Variants in ABLIM1 observed in about 807,000 individuals in gnomAD.
ABLIM1 encodes actin-binding LIM protein 1.
A neutral mutation model predicts 107.0 loss-of-function variants in ABLIM1; 40 were observed. The observed-to-expected ratio is 0.37, with a 90% CI of 0.29 to 0.49. The LOEUF is 0.49. Ranked by LOEUF, ABLIM1 falls within the 20% of genes least tolerant of loss-of-function variation. The pLI is 0.97. For synonymous variants in ABLIM1, 357 were observed against 357.3 expected, an observed-to-expected ratio of 1.00 and a Z score of 0.01; for missense variants, 857 against 1,008.5, an observed-to-expected ratio of 0.85 and a Z score of 2.04.
At chr10:114,455,812 C>CTTTTTT (rs11285756) in intron 12 of ABLIM1, among the ~76,000 whole-genome samples, 1 of 139,562 alleles carries the variant, frequency 7.2e-6, no homozygotes, top group Non-Finnish European at 1.6e-5. Context: ...GAAACTGCAA[C>CTTTTTT]TTTTTTTTTT....
At chr10:114,571,486 C>G in intron 3 of ABLIM1, 80 bp from the exon 4 acceptor site, 1 of 1,358,246 alleles carries the variant, frequency 7.4e-7, no homozygotes, top group Admixed American at 1.9e-5. Flanking sequence ...TTGCTGCCCT[C>G]CGGTGCCCAT....
At chr10:114,601,782 C>T (rs577560425) in intron 2 of ABLIM1, 45 bp downstream of exon 2, 251 of 1,614,050 alleles carry the variant, frequency 1.6e-4, no homozygotes, top group Non-Finnish European at 2.0e-4. Flanking sequence ...AAGGCAAGCC[C>T]CGACCATGGC....
the ABLIM1 span, among the ~76,000 whole-genome samples, chr10:114,801,003 G>A: frequency 6.6e-6 from 1 of 152,162 alleles, no homozygotes; most frequent in African/African-American, 2.4e-5. Context: ...ATAGCCTACT[G>A]TTGACTAGAA....
At chr10:114,529,678 T>C (rs1393156231) in intron 6 of ABLIM1, among the ~76,000 whole-genome samples, 1 of 152,166 alleles carries the variant, frequency 6.6e-6, no homozygotes, top group South Asian at 2.1e-4. Flanking sequence ...CCCATTGGCA[T>C]GCCTCCTGTG....
chr10:114,738,200 C>T (rs797003107), intron 1 of ABLIM1, among the ~76,000 whole-genome samples: 40 of 152,240 alleles, frequency 2.6e-4, no homozygotes, highest in African/African-American at 8.7e-4. Flanking sequence ...AGGCACGTGC[C>T]ACCGTGTCTG....
chr10:114,697,157 G>A (rs1051152298), intron 1 of ABLIM1, among the ~76,000 whole-genome samples: 8 of 152,112 alleles, frequency 5.3e-5, no homozygotes, highest in African/African-American at 1.9e-4. Flanking sequence ...TCTGCTCCAT[G>A]GGATCAGAGA....
intron 6 of ABLIM1, among the ~76,000 whole-genome samples, chr10:114,504,227 G>A (rs17091955): frequency 0.14 from 21,676 of 151,982 alleles, 1,750 homozygotes; most frequent in Middle Eastern, 0.18. Context: ...TACTTGTTCT[G>A]TAGTTGAATG....
chr10:114,561,114 G>A (rs1361209928), intron 4 of ABLIM1, among the ~76,000 whole-genome samples: 1 of 152,194 alleles, frequency 6.6e-6, no homozygotes, highest in African/African-American at 2.4e-5. Flanking sequence ...CCTAATGTAG[G>A]TGTAAACTTT....
At chr10:114,770,670 G>A (rs552097717), upstream of ABLIM1, among the ~76,000 whole-genome samples, 1 of 152,218 alleles carries the variant, frequency 6.6e-6, no homozygotes, top group East Asian at 1.9e-4. Context: ...CTGTTTAATG[G>A]TTTTGTTGTA....
At chr10:114,468,801 C>G (rs904950372) in intron 10 of ABLIM1, among the ~76,000 whole-genome samples, 2 of 151,738 alleles carry the variant, frequency 1.3e-5, no homozygotes, top group African/African-American at 4.8e-5. Context: ...TCTGTAATCC[C>G]AGCACTTTGG....
Position 114,727,694 on chromosome 10 carries a change from G to A in ABLIM1, c.-213+40367C>T, listed in dbSNP as rs538353381. On this transcript the variant is annotated intron_variant, in intron 1 of 15. Coordinates refer to the ABLIM1 transcript ENST00000651092. ...TTTCTGGCTGGATGTGATGGCCCAC[G>A]CCTGTAATCCAGCACTTTGGGAGGC... 9.9e-5 allele frequency among the ~76,000 whole-genome samples: 15 copies of A among 152,260 alleles called. No individual in the cohort carries two copies. The South Asian group carries it at 2.9e-3, about 29-fold the overall frequency.
At chr10:114,615,269 CTT>C (rs1400983420) in intron 1 of ABLIM1, among the ~76,000 whole-genome samples, 1 of 152,186 alleles carries the variant, frequency 6.6e-6, no homozygotes, top group Admixed American at 6.5e-5. Context: ...TTCTCACACT[CTT>C]TCCACATCCT....
intron 10 of ABLIM1, among the ~76,000 whole-genome samples, chr10:114,469,079 A>G (rs1030271461): frequency 6.0e-5 from 9 of 149,608 alleles, no homozygotes; most frequent in African/African-American, 2.2e-4. Context: ...AAAAAGAACC[A>G]TGACTAGATA....
intron 4 of ABLIM1, among the ~76,000 whole-genome samples, chr10:114,553,638 C>T (rs11196786): frequency 0.39 from 59,339 of 152,054 alleles, 13,169 homozygotes; most frequent in Non-Finnish European, 0.5. Flanking sequence ...GAACAGCCTC[C>T]CACTCTCTGC....
At chr10:114,641,209 T>G (rs951172695) in intron 1 of ABLIM1, among the ~76,000 whole-genome samples, 1 of 131,564 alleles carries the variant, frequency 7.6e-6, no homozygotes, top group Non-Finnish European at 1.5e-5. Context: ...TTATATGACC[T>G]CTGCTGCCAA....
At chr10:114,546,418 C>G (rs770928426) in intron 5 of ABLIM1, among the ~76,000 whole-genome samples, 56 of 152,020 alleles carry the variant, frequency 3.7e-4, no homozygotes, top group Middle Eastern at 3.4e-3. Context: ...CTCAGCCTCC[C>G]AAGTAGCTGG....
chr10:114,658,077 G>A lies in ABLIM1; in HGVS notation c.124C>T (p.Arg42Trp), dbSNP rs577586645. 521 of 1,614,186 alleles carry A rather than the reference G, an allele frequency of 3.2e-4. 12 individuals are homozygous for A. In the South Asian group the frequency reaches 5.3e-3, roughly 17 times the overall value. Residue 42 changes from arginine (R) to tryptophan (W), a missense_variant, in exon 1 of 23, where the codon CGG becomes TGG. Arg to Trp is a moderately radical substitution (Grantham distance 101). This residue lies in a region of ABLIM1 where 176 missense variants were observed against 173.5 expected (regional missense o/e 1.01). Transcript: ENST00000533213. ...GTGAAGGAGGTCCCAGAGACCCTCCGGTCCTCAACAATCAGTCTCTTTCTG... is the reference window on the plus strand; with the variant it reads ...GTGAAGGAGGTCCCAGAGACCCTCCAGTCCTCAACAATCAGTCTCTTTCTG... ...SNRKRLIVED[R>W]RVSGTSFTAH...
intron 1 of ABLIM1, among the ~76,000 whole-genome samples, chr10:114,748,333 C>T (rs808315): frequency 0.057 from 8,659 of 152,138 alleles, 321 homozygotes; most frequent in Middle Eastern, 0.095. Flanking sequence ...GGTTGGCCAG[C>T]TTATAATCTG....
intron 1 of ABLIM1, among the ~76,000 whole-genome samples, chr10:114,665,810 A>T (rs1333684): frequency 0.012 from 1,896 of 152,306 alleles, 32 homozygotes; most frequent in African/African-American, 0.042. Context: ...TGAGAAACTG[A>T]GACCCGGGAG....
Sources: gnomAD v4.1 joint callset for allele counts (sites outside exome capture counted in the v4.1 genomes callset) on GRCh38, gnomAD v4.1.1 for gene constraint, gnomAD v4.1.1 regional missense constraint, MANE v1.5 for transcripts, NCBI Gene and HGNC (gene_info 2026-07-23, HGNC 2026-07-21) for gene names.